Variants in SLC25A21 observed in about 807,000 individuals in gnomAD.
SLC25A21 encodes the protein solute carrier family 25 member 21, also known as mitochondrial 2-oxodicarboxylate carrier.
In SLC25A21, 47 loss-of-function variants were observed where a neutral mutation model predicts 43.8. That is an observed-to-expected ratio of 1.07 (90% confidence interval 0.85 to 1.37). SLC25A21 has a LOEUF of 1.37. Ranked by LOEUF, SLC25A21 falls within the 40% of genes most tolerant of loss-of-function variation. The pLI, the probability that SLC25A21 is intolerant of heterozygous loss-of-function variation, is 0.00. For synonymous variants in SLC25A21, 131 were observed against 121.3 expected (o/e 1.08, Z -0.52); for missense variants, 352 against 350.2 (o/e 1.00, Z -0.04).
At chr14:37,167,841 T>G (rs1336359116) in intron 1 of SLC25A21, among the ~76,000 whole-genome samples, 1 of 151,532 alleles carries the variant, frequency 6.6e-6, no homozygotes, top group Non-Finnish European at 1.5e-5. Flanking sequence ...TTCGACTCCC[T>G]ATGATTTCAT....
intron 1 of SLC25A21, among the ~76,000 whole-genome samples, chr14:37,135,558 A>G (rs1170020049): frequency 6.6e-6 from 1 of 152,188 alleles, no homozygotes. Context: ...TCTTCTCTGC[A>G]ATTCTTGCCC....
chr14:37,155,526 T>C (rs1186410874), intron 1 of SLC25A21, among the ~76,000 whole-genome samples: 1 of 152,078 alleles, frequency 6.6e-6, no homozygotes, highest in Non-Finnish European at 1.5e-5. Flanking sequence ...AAGATAATTC[T>C]AAAAATAACA....
intron 3 of SLC25A21, among the ~76,000 whole-genome samples, chr14:36,741,863 A>G (rs932167140): frequency 1.3e-5 from 2 of 152,212 alleles, no homozygotes; most frequent in Non-Finnish European, 2.9e-5. Flanking sequence ...AAGCATTAAC[A>G]CGTCTGTATA....
At chr14:37,054,931 G>A (rs1019823194) in intron 1 of SLC25A21, among the ~76,000 whole-genome samples, 2 of 152,162 alleles carry the variant, frequency 1.3e-5, no homozygotes, top group East Asian at 3.9e-4. Context: ...AATGCACAGA[G>A]GGCAAGGCCA....
intron 2 of SLC25A21, among the ~76,000 whole-genome samples, chr14:36,858,166 A>C (rs1381879149): frequency 6.6e-6 from 1 of 152,118 alleles, no homozygotes; most frequent in Non-Finnish European, 1.5e-5. Context: ...TAACGTTTGC[A>C]AAACCTCTTT....
chr14:36,709,828 C>T lies in SLC25A21; in HGVS notation c.603+1490G>A, dbSNP rs375242811. On this transcript the variant is annotated intron_variant, in intron 7 of 9. Transcript: ENST00000331299. ...ATAGTTTTATGACTAAAAAAAAAAG[C>T]CCTTCAATACTTTTCTACTAAGAAA... Among the ~76,000 whole-genome samples, 43 of 152,138 alleles carry T rather than the reference C, an allele frequency of 2.8e-4. No individual in the cohort carries two copies. The South Asian group carries it at 8.5e-3, about 30-fold the overall frequency.
intron 1 of SLC25A21, among the ~76,000 whole-genome samples, chr14:36,888,692 C>T (rs1890993409): frequency 6.6e-6 from 1 of 152,090 alleles, no homozygotes; most frequent in Non-Finnish European, 1.5e-5. Context: ...CAACCTTTAG[C>T]CATTCATTAG....
At chr14:36,694,104 G>A (rs1027246887) in intron 7 of SLC25A21, among the ~76,000 whole-genome samples, 11 of 139,132 alleles carry the variant, frequency 7.9e-5, no homozygotes, top group Admixed American at 2.3e-4. Context: ...GATGTTCCCC[G>A]CCCTGTGTCC....
At chr14:36,985,786 T>C (rs905906765) in intron 1 of SLC25A21, among the ~76,000 whole-genome samples, 2 of 152,208 alleles carry the variant, frequency 1.3e-5, no homozygotes, top group Non-Finnish European at 2.9e-5. Flanking sequence ...GATCCTTTTC[T>C]TATCTCCATG....
In SLC25A21 at chr14:36,741,347, T is replaced by G. The variant is rs972521023; in HGVS notation, c.204-6774A>C. Among the ~76,000 whole-genome samples, 4 of 152,156 alleles carry G rather than the reference T, an allele frequency of 2.6e-5. No homozygotes were observed. The South Asian group carries it at 6.2e-4, about 24-fold the overall frequency. On this transcript the variant is annotated intron_variant, in intron 3 of 9. Transcript: ENST00000331299. ...ACAGTGTAGCTGCTTCACAACTGAC[T>G]TTTAGAAAGAGTCAACCTTGTTGTC...
rs180937478 is a variant in SLC25A21 at position 36,996,234 on chromosome 14, C to G, written c.71-121230G>C. ...CTAATATTCAGCTAACTTTCAACTC[C>G]TGGTCCAGCAAACCTTCATTATCTT... On this transcript the variant is annotated intron_variant, in intron 1 of 9. Transcript: ENST00000331299. 7.7e-4 allele frequency among the ~76,000 whole-genome samples: 118 copies of G among 152,288 alleles called. No individual in the cohort carries two copies. The Middle Eastern group carries it at 0.01, about 13-fold the overall frequency.
intron 1 of SLC25A21, among the ~76,000 whole-genome samples, chr14:36,898,193 T>C (rs1000513040): frequency 1.3e-5 from 2 of 152,198 alleles, no homozygotes; most frequent in African/African-American, 4.8e-5. Context: ...CAGTTCGAGC[T>C]TCCCGGCCTC....
intron 3 of SLC25A21, among the ~76,000 whole-genome samples, chr14:36,755,328 C>G (rs995149238): frequency 2.0e-5 from 3 of 152,202 alleles, no homozygotes; most frequent in African/African-American, 7.2e-5. Flanking sequence ...CCACTGTATT[C>G]AGAAAGTGGG....
chr14:37,147,316 A>G (rs1566913352), intron 1 of SLC25A21, among the ~76,000 whole-genome samples: 1 of 152,228 alleles, frequency 6.6e-6, no homozygotes. Context: ...ATATCTGCCC[A>G]TATTTGAAAG....
chr14:37,042,983 TC>T (rs1298475310), intron 1 of SLC25A21, among the ~76,000 whole-genome samples: 1 of 152,184 alleles, frequency 6.6e-6, no homozygotes, highest in African/African-American at 2.4e-5. Flanking sequence ...ACAGCATCAC[TC>T]CATCTCCCAA....
intron 1 of SLC25A21, among the ~76,000 whole-genome samples, chr14:37,102,583 T>C (rs1962836504): frequency 6.6e-6 from 1 of 152,132 alleles, no homozygotes; most frequent in African/African-American, 2.4e-5. Flanking sequence ...TGGTAGTTTG[T>C]CTACCCAAAA....
At chr14:36,938,034 C>T (rs192650173) in intron 1 of SLC25A21, among the ~76,000 whole-genome samples, 3 of 152,064 alleles carry the variant, frequency 2.0e-5, no homozygotes, top group Non-Finnish European at 1.5e-5. Context: ...AATGGCAACT[C>T]GATATAATGT....
At chr14:36,894,799 A>G (rs1487815475) in intron 1 of SLC25A21, among the ~76,000 whole-genome samples, 1 of 152,164 alleles carries the variant, frequency 6.6e-6, no homozygotes, top group Non-Finnish European at 1.5e-5. Context: ...TGAGATAATC[A>G]TGTGGTTTTT....
intron 1 of SLC25A21, among the ~76,000 whole-genome samples, chr14:36,953,033 C>T (rs1892851739): frequency 6.6e-6 from 1 of 152,186 alleles, no homozygotes; most frequent in Non-Finnish European, 1.5e-5. Context: ...CTACCTCTGC[C>T]TCTATCTATT....
Sources: gnomAD v4.1 joint callset for allele counts (sites outside exome capture counted in the v4.1 genomes callset) on GRCh38, gnomAD v4.1.1 for gene constraint, MANE v1.5 for transcripts, NCBI Gene and HGNC (gene_info 2026-07-23, HGNC 2026-07-21) for gene names.